Variants in NBPF26 observed in about 807,000 individuals in gnomAD.
NBPF26 encodes NBPF member 26.
Under a neutral mutation model 119.6 loss-of-function variants are expected in NBPF26, and 79 were observed. That is an observed-to-expected ratio of 0.66 (90% CI 0.55 to 0.80). The LOEUF (loss-of-function observed/expected upper bound fraction) is 0.80, where lower values mean the gene tolerates loss of function less well. NBPF26 is among the 30% of genes least tolerant of loss of function. The pLI is 0.00. For synonymous variants in NBPF26, 299 were observed against 457.7 expected, an observed-to-expected ratio of 0.65 and a Z score of 4.43; for missense variants, 800 against 1,198.2, an observed-to-expected ratio of 0.67 and a Z score of 4.91.
intron 15 of NBPF26, among the ~76,000 whole-genome samples, 171 bp from the exon 16 acceptor site, chr1:120,821,933 G>C (rs2101532830): frequency 8.1e-6 from 1 of 123,090 alleles, no homozygotes; most frequent in East Asian, 2.0e-4. Context: ...CCCCAGAGCA[G>C]TCACCCTCCA....
intron 6 of NBPF26, 51 bp from the exon 7 acceptor site, chr1:120,808,494 G>C: frequency 1.0e-6 from 1 of 979,536 alleles, no homozygotes; most frequent in Non-Finnish European, 1.6e-6. Context: ...ATATTTGAAC[G>C]GATCACTCAA....
In NBPF26 at chr1:120,776,376, T is replaced by C. The variant is rs1651306874; in HGVS notation, c.156-8598T>C. On this transcript the variant is annotated intron_variant, in intron 2 of 29. Transcript: ENST00000620612. Reference sequence around the variant, plus strand: ...TGACTGAACAGCGTGTACAGAGGTCTGGAAGTGAGAAGTAGTGTACTATAG... The same window carrying C: ...TGACTGAACAGCGTGTACAGAGGTCCGGAAGTGAGAAGTAGTGTACTATAG... Among the ~76,000 whole-genome samples the C allele has an allele frequency of 8.7e-5, 6 of 68,672 alleles. 1 individual carries two copies. Among genetic ancestry groups the C allele is most frequent in the Admixed American group, 4.5e-4 (3 of 6,614 alleles). 45.1% of individuals were successfully genotyped at this position (68,672 alleles called of 152,430 possible).
rs1283396616 is a variant in NBPF26 at position 120,765,241 on chromosome 1, C to A, written c.155+1532C>A. Among the ~76,000 whole-genome samples the A allele has an allele frequency of 1.9e-5, 2 of 102,922 alleles. 1 individual carries two copies. The highest frequency in any genetic ancestry group is 3.7e-5 in the Non-Finnish European group (2 of 53,802). 67.5% of individuals were successfully genotyped at this position (102,922 alleles called of 152,430 possible). A position where few individuals can be genotyped will look rare whatever the true frequency, so the allele number is the denominator to read the frequency against. ...AGATAATAAGGGAGGGAACTTAATACCTTAGAGTAGGCCACTGAAATCTTG... is the reference window on the plus strand; with the variant it reads ...AGATAATAAGGGAGGGAACTTAATAACTTAGAGTAGGCCACTGAAATCTTG... On this transcript the variant is annotated intron_variant, in intron 2 of 29. Transcript: ENST00000620612.
Position 120,728,535 on chromosome 1 carries a change from CA to C in NBPF26, c.73+4286del, listed in dbSNP as rs1246395527. On this transcript the variant is annotated intron_variant, in intron 1 of 29. Transcript: ENST00000620612. ...TGGAATCTCACTTCAAAGGCACTGC[CA>C]TCCACCCCCTGCCTCTCACTCAAGT... 1.7e-5 allele frequency among the ~76,000 whole-genome samples: 2 copies of C among 117,030 alleles called. 1 individual carries two copies. Among genetic ancestry groups the C allele is most frequent in the African/African-American group, 1.0e-4 (2 of 19,990 alleles). 76.8% of individuals were successfully genotyped at this position (117,030 alleles called of 152,430 possible).
At chr1:120,765,915 G>A (rs1651185961) in intron 2 of NBPF26, among the ~76,000 whole-genome samples, 1 of 93,568 alleles carries the variant, frequency 1.1e-5, no homozygotes, top group African/African-American at 7.5e-5. Flanking sequence ...TCACTCATAA[G>A]TGGGAGCTGA....
rs1553272310 is a variant in NBPF26 at position 120,823,610 on chromosome 1, G to T, written c.2639+250G>T. Among the ~76,000 whole-genome samples the T allele has an allele frequency of 2.4e-5, 3 of 124,102 alleles. 1 individual carries two copies. The highest frequency in any genetic ancestry group is 4.9e-5 in the Non-Finnish European group (3 of 61,106). 81.4% of individuals were successfully genotyped at this position (124,102 alleles called of 152,430 possible). A position where few individuals can be genotyped will look rare whatever the true frequency, so the allele number is the denominator to read the frequency against. Reference sequence around the variant, plus strand: ...GCTGTATTCTCATGGTAACTGCAGGGAAACTTGACCACATTTTACGCAAAA... The same window carrying T: ...GCTGTATTCTCATGGTAACTGCAGGTAAACTTGACCACATTTTACGCAAAA... On this transcript the variant is annotated intron_variant, in intron 17 of 29. Transcript: ENST00000620612.
Position 120,785,051 on chromosome 1 carries a change from C to A in NBPF26, c.233C>A (p.Thr78Asn). The A allele has an allele frequency of 6.2e-6, 9 of 1,445,390 alleles. 3 individuals are homozygous for A. Among genetic ancestry groups the A allele is most frequent in the South Asian group, 1.2e-5 (1 of 83,164 alleles). The allele number at this position is 1,445,390 out of a possible 1,614,324, so 89.5% of individuals were successfully genotyped here. A position where few individuals can be genotyped will look rare whatever the true frequency, so the allele number is the denominator to read the frequency against. The change falls in exon 3 of 30, where the codon ACT becomes AAT. Residue 78 changes from threonine to asparagine, a missense_variant. Transcript: ENST00000620612. ...AAGAACCGCTGCCAGAATGGTGGGACTTGTGTGGCCCAGGCCATGCTGGGG... is the reference window on the plus strand; with the variant it reads ...AAGAACCGCTGCCAGAATGGTGGGAATTGTGTGGCCCAGGCCATGCTGGGG...
intron 3 of NBPF26, 24 bp downstream of exon 3, chr1:120,785,257 T>C: frequency 1.4e-6 from 2 of 1,443,190 alleles, no homozygotes; most frequent in South Asian, 2.4e-5. Context: ...CCAAAGCCAG[T>C]GCTTCCCTAC....
chr1:120,805,611 T>A, exon 5 of NBPF26: 11 of 1,462,624 alleles, frequency 7.5e-6, no homozygotes, highest in Non-Finnish European at 1.0e-5. Flanking sequence ...CAGCCGGCCA[T>A]TGGTCCAGTG....
At chr1:120,752,552 ATATTTTTTTT>A (rs1651032380) in intron 1 of NBPF26, among the ~76,000 whole-genome samples, 1 of 8,976 alleles carries the variant, frequency 1.1e-4, no homozygotes, top group Non-Finnish European at 1.7e-4. Flanking sequence ...ATATATATAT[ATATTTTTTTT>A]TTTTTTTTTT....
intron 15 of NBPF26, among the ~76,000 whole-genome samples, chr1:120,818,526 CT>C (rs1652059776): frequency 2.4e-5 from 3 of 125,116 alleles, no homozygotes; most frequent in Admixed American, 7.7e-5. Flanking sequence ...CTTCTGCTAG[CT>C]TTTGAATTTG....
intron 13 of NBPF26, 68 bp from the exon 14 acceptor site, chr1:120,816,554 A>C: frequency 1.5e-6 from 1 of 681,490 alleles, no homozygotes; most frequent in East Asian, 2.7e-5. Context: ...AAAACCAGCT[A>C]GGACTCCCTG....
At position 120,822,164 on chromosome 1, in the gene NBPF26, G is replaced by A. The variant is rs1553272101; in HGVS notation, c.2484G>A (p.Ser828=). The A allele has an allele frequency of 6.5e-3, 8,094 of 1,244,730 alleles. 1,783 individuals are homozygous for A. In the African/African-American group the frequency reaches 0.072, roughly 11 times the overall value. 77.1% of individuals were successfully genotyped at this position (1,244,730 alleles called of 1,614,324 possible). ...AGGAGTCCTGGGATGAAGGTTATTC[G>A]ACTCTCTCAATTCCTCCTGAAATGT... The change falls in exon 16 of 30, where the codon TCG becomes TCA. Residue 828 remains serine, a synonymous_variant. Coordinates refer to ENST00000620612, the Ensembl canonical transcript of NBPF26.
chr1:120,732,474 CAA>C (rs1360488796), intron 1 of NBPF26, among the ~76,000 whole-genome samples: 1 of 76,878 alleles, frequency 1.3e-5, no homozygotes. Flanking sequence ...TGGTAAGTAG[CAA>C]AGACATTTTT....
chr1:120,790,183 T>C (rs1651468731), intron 3 of NBPF26, among the ~76,000 whole-genome samples: 1 of 102,798 alleles, frequency 9.7e-6, no homozygotes, highest in East Asian at 2.3e-4. Context: ...GCCCGGCTAA[T>C]TTTTGTATTT....
intron 4 of NBPF26, among the ~76,000 whole-genome samples, chr1:120,801,868 A>G (rs1651586258): frequency 9.9e-6 from 1 of 100,714 alleles, no homozygotes; most frequent in South Asian, 3.0e-4. Flanking sequence ...TCACTTTAAT[A>G]GTAAGAGGCC....
At position 120,724,668 on chromosome 1, in the gene NBPF26, G is replaced by A. The variant is rs1289108959; in HGVS notation, c.73+418G>A. On this transcript the variant is annotated intron_variant, in intron 1 of 29. Coordinates refer to ENST00000620612, the Ensembl canonical transcript of NBPF26. ...AATGCCAGATTCTGGCGTGGAGAGCGGGGGCAGGGCCGCCAAGCCAAACGG... is the reference window on the plus strand; with the variant it reads ...AATGCCAGATTCTGGCGTGGAGAGCAGGGGCAGGGCCGCCAAGCCAAACGG... 3.2e-5 allele frequency among the ~76,000 whole-genome samples: 4 copies of A among 124,240 alleles called. 1 individual carries two copies. Among genetic ancestry groups the A allele is most frequent in the South Asian group, 4.8e-4 (2 of 4,160 alleles). 81.5% of individuals were successfully genotyped at this position (124,240 alleles called of 152,430 possible). A position where few individuals can be genotyped will look rare whatever the true frequency, so the allele number is the denominator to read the frequency against.
chr1:120,809,839 T>A, exon 8 of NBPF26: 1 of 1,502,924 alleles, frequency 6.7e-7, no homozygotes, highest in Non-Finnish European at 9.0e-7. Context: ...ATGAAGATGT[T>A]CAAGTTGAGG....
intron 1 of NBPF26, among the ~76,000 whole-genome samples, chr1:120,761,056 T>C (rs1651132324): frequency 8.0e-6 from 1 of 125,214 alleles, no homozygotes; most frequent in Non-Finnish European, 1.6e-5. Flanking sequence ...CCAAGTGGCA[T>C]TAATTATTAG....
Sources: allele counts gnomAD v4.1 joint callset (sites outside exome capture counted in the v4.1 genomes callset), GRCh38; gene constraint gnomAD v4.1.1; transcripts MANE v1.5; gene names NCBI Gene and HGNC (gene_info 2026-07-23, HGNC 2026-07-21).